The following HLA-DRB5 variants were observed in gnomAD, a reference collection of about 807,000 sequenced individuals.
HLA-DRB5 encodes DR beta-5.
In HLA-DRB5, 11 loss-of-function variants were observed where a neutral mutation model predicts 22.4. The observed-to-expected ratio is 0.49, with a 90% CI of 0.31 to 0.81. The LOEUF (loss-of-function observed/expected upper bound fraction) is 0.81. HLA-DRB5 is among the 40% of genes least tolerant of loss of function. The pLI, the probability that HLA-DRB5 is intolerant of heterozygous loss-of-function variation, is 0.05. For synonymous variants in HLA-DRB5, 57 were observed against 106.0 expected (o/e 0.54, Z 2.84); for missense variants, 106 against 274.4 (o/e 0.39, Z 4.34).
chr6:32,528,261 A>T (rs1476287034), intron 1 of HLA-DRB5, among the ~76,000 whole-genome samples: 2 of 125,180 alleles, frequency 1.6e-5, no homozygotes, highest in African/African-American at 6.1e-5. Flanking sequence ...TCAGTGCACT[A>T]TGACTCTCTG....
Position 32,521,907 on chromosome 6 carries a change from C to G in HLA-DRB5, c.368G>C (p.Arg123Pro). Residue 123 changes from arginine to proline, a missense_variant and splice_region_variant, in exon 2 of 6, where the codon CGA becomes CCA. Arg to Pro is a moderately radical substitution (Grantham distance 103). Coordinates refer to ENST00000374975, the MANE Select transcript of HLA-DRB5 (RefSeq NM_002125.4). ...GVGESFTVQR[R>P]VEPKVTVYPA... ...GCCCCGCCCCCCACCATGCTCACCTCGCCGCTGCACTGTGAAGCTCTCACC... is the reference window on the plus strand; with the variant it reads ...GCCCCGCCCCCCACCATGCTCACCTGGCCGCTGCACTGTGAAGCTCTCACC... 6.6e-7 allele frequency: 1 copy of G among 1,513,046 alleles called. No homozygotes were observed. The highest frequency in any genetic ancestry group is 9.0e-7 in the Non-Finnish European group (1 of 1,106,480). The allele number at this position is 1,513,046 out of a possible 1,614,324, so 93.7% of individuals were successfully genotyped here.
chr6:32,524,742 C>T (rs75906455), intron 1 of HLA-DRB5, among the ~76,000 whole-genome samples: 48,031 of 80,660 alleles, frequency 0.6, 16,956 homozygotes, highest in Admixed American at 0.65. Flanking sequence ...TTTGTAAAGT[C>T]ACTGTCACTG....
chr6:32,525,903 G>C (rs1330679849), intron 1 of HLA-DRB5, among the ~76,000 whole-genome samples: 1 of 48,074 alleles, frequency 2.1e-5, no homozygotes, highest in Non-Finnish European at 4.2e-5. Flanking sequence ...AATATGGGCT[G>C]TGTGAAATAC....
At chr6:32,528,117 C>G (rs112846554) in intron 1 of HLA-DRB5, among the ~76,000 whole-genome samples, 1,378 of 42,642 alleles carry the variant, frequency 0.032, 12 homozygotes, top group Middle Eastern at 0.05. Flanking sequence ...ACTTTCGTCC[C>G]TTAGATCTTC....
intron 3 of HLA-DRB5, 69 bp from the exon 4 acceptor site, chr6:32,518,735 A>AGG: frequency 2.4e-6 from 1 of 422,640 alleles, no homozygotes; most frequent in Non-Finnish European, 3.8e-6. Flanking sequence ...ACCCTGCAAT[A>AGG]TTCATAGCTT....
intron 2 of HLA-DRB5, 50 bp downstream of exon 2, chr6:32,521,855 T>TCC (rs746256773): frequency 1.6e-6 from 1 of 628,826 alleles, no homozygotes; most frequent in Non-Finnish European, 2.5e-6. Flanking sequence ...ACACACACAC[T>TCC]CAGATTCCCA....
chr6:32,523,384 A>G (rs796862515), intron 1 of HLA-DRB5, among the ~76,000 whole-genome samples: 3,333 of 41,110 alleles, frequency 0.081, 836 homozygotes, highest in East Asian at 0.11. Context: ...AATACTATAT[A>G]TTTTAGATGT....
intron 1 of HLA-DRB5, among the ~76,000 whole-genome samples, chr6:32,522,746 T>A (rs73405195): frequency 0.19 from 7,069 of 37,968 alleles, 1,959 homozygotes; most frequent in Admixed American, 0.27. Context: ...GAGAAATGTC[T>A]GAAGTGTGGA....
At chr6:32,521,431 A>G (rs1376942306) in intron 2 of HLA-DRB5, among the ~76,000 whole-genome samples, 1 of 108,552 alleles carries the variant, frequency 9.2e-6, no homozygotes, top group African/African-American at 3.3e-5. Flanking sequence ...GACTGCGTGA[A>G]GGGTGGGTGC....
chr6:32,530,029 C>T (rs1340350596), intron 1 of HLA-DRB5, 96 bp downstream of exon 1: 25,102 of 602,716 alleles, frequency 0.042, 25 homozygotes, highest in African/African-American at 0.081. Context: ...AAGAAAATGT[C>T]ACAATTTCTT....
intron 2 of HLA-DRB5, among the ~76,000 whole-genome samples, chr6:32,521,215 T>C (rs796313003): frequency 0.045 from 1,726 of 38,752 alleles, 1 homozygote; most frequent in Non-Finnish European, 0.053. Flanking sequence ...AATAAAATAG[T>C]AACAGTGTAT....
chr6:32,519,754 C>G (rs113878436), intron 2 of HLA-DRB5, 103 bp from the exon 3 acceptor site: 60,691 of 418,456 alleles, frequency 0.15, 100 homozygotes, highest in Admixed American at 0.24. Context: ...CTGGCCTTGA[C>G]CAGGCCTCCA....
At chr6:32,519,990 C>T (rs375322913) in intron 2 of HLA-DRB5, among the ~76,000 whole-genome samples, 1 of 36,608 alleles carries the variant, frequency 2.7e-5, no homozygotes, top group Non-Finnish European at 5.5e-5. Flanking sequence ...CTGCCTTTTA[C>T]TGGTTGATGC....
intron 1 of HLA-DRB5, among the ~76,000 whole-genome samples, chr6:32,528,354 C>A (rs891027061): frequency 3.3e-4 from 41 of 123,846 alleles, no homozygotes; most frequent in African/African-American, 1.2e-3. Flanking sequence ...GGGACCCTCT[C>A]TATCTTACTC....
chr6:32,530,000 TA>T, intron 1 of HLA-DRB5, 124 bp downstream of exon 1: 1 of 622,788 alleles, frequency 1.6e-6, no homozygotes, highest in Non-Finnish European at 2.8e-6. Context: ...GATCCCATGA[TA>T]AAGATGGGCA....
rs1769861137 is a variant in HLA-DRB5 at position 32,528,230 on chromosome 6, C to CG, written c.100+1894_100+1895insC. Among the ~76,000 whole-genome samples, 204 of 93,664 alleles carry CG rather than the reference C, an allele frequency of 2.2e-3. 7 individuals are homozygous for CG. In the East Asian group the frequency reaches 0.06, roughly 28 times the overall value. 61.4% of individuals were successfully genotyped at this position (93,664 alleles called of 152,430 possible). On this transcript the variant is annotated intron_variant, in intron 1 of 5. Transcript: ENST00000374975. The stretch of plus-strand genomic sequence containing the variant: ...TAGGTGAATCCATTTCTCTCTTTTC[C>CG]ACAAACCTGATGTCTTTTCTTCAGT...
At chr6:32,519,176 AAT>A (rs1434058447) in intron 3 of HLA-DRB5, among the ~76,000 whole-genome samples, 192 bp downstream of exon 3, 2,484 of 61,650 alleles carry the variant, frequency 0.04, 24 homozygotes, top group Middle Eastern at 0.064. Context: ...TCCTGCCAGG[AAT>A]GACTGCTTCC....
rs1390583010 is a variant in HLA-DRB5, at chr6:32,519,474, G to T, written c.548C>A (p.Thr183Asn). The T allele has an allele frequency of 1.0e-5, 14 of 1,389,038 alleles. 1 individual carries two copies. The highest frequency in any genetic ancestry group is 4.0e-5 in the African/African-American group (2 of 50,144). The allele number at this position is 1,389,038 out of a possible 1,614,324, so 86.0% of individuals were successfully genotyped here. Reference sequence around the variant, plus strand: ...TTCCAGCATCACCAGGGTCTGGAAGGTCCAGTCTCCATTCTGAATCAGGCC... The same window carrying T: ...TTCCAGCATCACCAGGGTCTGGAAGTTCCAGTCTCCATTCTGAATCAGGCC... ...STGLIQNGDWTFQTLVMLETV... is the reference protein window; with the variant it reads ...STGLIQNGDWNFQTLVMLETV... Residue 183 changes from threonine (T) to asparagine (N), a missense_variant, in exon 3 of 6, where the codon ACC (threonine) becomes AAC (asparagine). Thr to Asn is a moderately conservative substitution (Grantham distance 65). Transcript: ENST00000374975.
intron 1 of HLA-DRB5, among the ~76,000 whole-genome samples, chr6:32,524,737 A>G (rs77624723): frequency 0.51 from 41,611 of 82,032 alleles, 12,609 homozygotes; most frequent in Middle Eastern, 0.58. Flanking sequence ...AAACATTTGT[A>G]AAGTCACTGT....
Sources: allele counts gnomAD v4.1 joint callset (sites outside exome capture counted in the v4.1 genomes callset), GRCh38; gene constraint gnomAD v4.1.1; transcripts MANE v1.5; gene names NCBI Gene and HGNC (gene_info 2026-07-23, HGNC 2026-07-21).